The following FRMD4A variants were observed in gnomAD, a reference collection of about 807,000 sequenced individuals.
The protein encoded by FRMD4A is FERM domain containing 4A, also known as FERM domain-containing protein 4A.
FRMD4A carries 29 observed loss-of-function variants against 129.1 expected under a neutral mutation model. That is an observed-to-expected ratio of 0.22 (90% CI 0.17 to 0.31). The LOEUF (loss-of-function observed/expected upper bound fraction) is 0.31. FRMD4A is among the 10% of genes least tolerant of loss of function. FRMD4A has a pLI of 1.00. For missense variants in FRMD4A, 1,272 were observed against 1,375.8 expected (o/e 0.92, Z 1.19); for synonymous variants, 634 against 571.6 (o/e 1.11, Z -1.56).
At chr10:14,205,773 C>T (rs1045031938) in intron 2 of FRMD4A, among the ~76,000 whole-genome samples, 21 of 137,678 alleles carry the variant, frequency 1.5e-4, no homozygotes, top group African/African-American at 4.7e-4. Flanking sequence ...CACCACTGCA[C>T]TCCAGCCTGG....
At chr10:13,753,590 G>T (rs1018393316) in intron 8 of FRMD4A, among the ~76,000 whole-genome samples, 2 of 142,224 alleles carry the variant, frequency 1.4e-5, no homozygotes, top group Non-Finnish European at 3.0e-5. Context: ...TGTTGCCCAG[G>T]CTAGAGCGCA....
intron 2 of FRMD4A, among the ~76,000 whole-genome samples, chr10:13,907,554 G>C (rs992050309): frequency 6.6e-6 from 1 of 152,180 alleles, no homozygotes; most frequent in Non-Finnish European, 1.5e-5. Context: ...CCATGTGGCT[G>C]TTGTCTTATT....
chr10:13,650,438 A>T (rs184362004), intron 24 of FRMD4A, among the ~76,000 whole-genome samples: 1 of 152,248 alleles, frequency 6.6e-6, no homozygotes, highest in Admixed American at 6.5e-5. Context: ...GTATTCGTGT[A>T]TGTATGTAGG....
At chr10:13,652,025 GAGACAC>G (rs767213520) in intron 23 of FRMD4A, 51 bp from the exon 24 acceptor site, 33 of 959,034 alleles carry the variant, frequency 3.4e-5, no homozygotes, top group Non-Finnish European at 5.7e-5. Flanking sequence ...ATGTTACAGA[GAGACAC>G]TGACACAGAC....
chr10:14,269,452 C>T (rs940469751), intron 2 of FRMD4A, among the ~76,000 whole-genome samples: 5 of 152,138 alleles, frequency 3.3e-5, no homozygotes, highest in African/African-American at 9.7e-5. Context: ...TAAAAAGAAC[C>T]CATTTCCTTG....
At chr10:13,840,133 A>G (rs983525026) in intron 3 of FRMD4A, among the ~76,000 whole-genome samples, 8 of 152,184 alleles carry the variant, frequency 5.3e-5, no homozygotes, top group Admixed American at 1.3e-4. Context: ...TTCATTCCCA[A>G]AGTCCTTACT....
At chr10:13,980,177 G>A (rs184512922) in intron 2 of FRMD4A, among the ~76,000 whole-genome samples, 4 of 152,192 alleles carry the variant, frequency 2.6e-5, no homozygotes, top group Admixed American at 6.5e-5. Context: ...TTTTCTCAAG[G>A]GGAAAAAGAA....
intron 2 of FRMD4A, among the ~76,000 whole-genome samples, chr10:14,009,312 G>T (rs935211991): frequency 2.0e-5 from 3 of 149,726 alleles, no homozygotes; most frequent in Admixed American, 6.6e-5. Flanking sequence ...GTATGTTTGG[G>T]TTTTTTTTTT....
At chr10:13,670,654 C>T (rs192147647) in intron 16 of FRMD4A, 126 bp from the exon 17 acceptor site, 20 of 810,748 alleles carry the variant, frequency 2.5e-5, no homozygotes, top group Admixed American at 1.5e-4. Context: ...TACAGGTCAA[C>T]GCTTATGCTA....
chr10:13,697,519 G>A (rs2086342824), intron 14 of FRMD4A, among the ~76,000 whole-genome samples: 1 of 152,174 alleles, frequency 6.6e-6, no homozygotes, highest in Non-Finnish European at 1.5e-5. Flanking sequence ...GGGAGGACAT[G>A]GGCATTGTCG....
intron 12 of FRMD4A, among the ~76,000 whole-genome samples, chr10:13,730,901 G>A (rs902534015): frequency 6.8e-6 from 1 of 147,264 alleles, no homozygotes; most frequent in Non-Finnish European, 1.5e-5. Flanking sequence ...GGTGACACAC[G>A]CCTATAGTCC....
At chr10:13,851,725 C>A (rs2094142505) in intron 3 of FRMD4A, among the ~76,000 whole-genome samples, 1 of 151,896 alleles carries the variant, frequency 6.6e-6, no homozygotes, top group Non-Finnish European at 1.5e-5. Flanking sequence ...CATGGTGAAA[C>A]CCTGTCTCTA....
intron 2 of FRMD4A, among the ~76,000 whole-genome samples, chr10:14,216,094 T>A (rs1843067231): frequency 1.3e-5 from 2 of 152,136 alleles, no homozygotes; most frequent in Admixed American, 6.6e-5. Flanking sequence ...GGACGGGAAC[T>A]CTATGTCTGG....
chr10:13,928,002 T>G (rs377394189), intron 2 of FRMD4A, among the ~76,000 whole-genome samples: 2 of 145,312 alleles, frequency 1.4e-5, no homozygotes, highest in African/African-American at 5.1e-5. Context: ...AAAGGATAGT[T>G]ATACTTAACA....
At chr10:14,151,170 A>C (rs1318387602) in intron 2 of FRMD4A, among the ~76,000 whole-genome samples, 1 of 152,204 alleles carries the variant, frequency 6.6e-6, no homozygotes, top group Non-Finnish European at 1.5e-5. Flanking sequence ...CTATCTACCC[A>C]AAGGAAAATA....
At chr10:14,303,352 C>T (rs1313695776) in intron 2 of FRMD4A, among the ~76,000 whole-genome samples, 2 of 152,214 alleles carry the variant, frequency 1.3e-5, no homozygotes, top group African/African-American at 2.4e-5. Context: ...CAAGATTCTG[C>T]ATTTCCCACA....
At chr10:14,011,302 C>T (rs1241332681) in intron 2 of FRMD4A, among the ~76,000 whole-genome samples, 1 of 152,090 alleles carries the variant, frequency 6.6e-6, no homozygotes, top group Non-Finnish European at 1.5e-5. Flanking sequence ...TTTGATGTCA[C>T]CAGGAGTTGG....
chr10:14,144,011 G>A lies in FRMD4A; in HGVS notation c.45+186047C>T, dbSNP rs181326412. On this transcript the variant is annotated intron_variant, in intron 2 of 24. Transcript: ENST00000357447. Reference sequence around the variant, plus strand: ...TATATGCAACTTTTCCACTGAGCTAGTACAAAGGGGATGGGAGGTTTTAAG... The same window carrying A: ...TATATGCAACTTTTCCACTGAGCTAATACAAAGGGGATGGGAGGTTTTAAG... 1.9e-3 allele frequency among the ~76,000 whole-genome samples: 292 copies of A among 152,266 alleles called. 2 individuals carry two copies. Among genetic ancestry groups the A allele is most frequent in the African/African-American group, 6.3e-3 (263 of 41,544 alleles).
chr10:13,670,636 C>A, intron 16 of FRMD4A, 108 bp from the exon 17 acceptor site: 1 of 1,020,860 alleles, frequency 9.8e-7, no homozygotes, highest in South Asian at 1.4e-5. Flanking sequence ...TGCACGCATG[C>A]ACTTCGATAC....
Sources: gnomAD v4.1 joint callset for allele counts (sites outside exome capture counted in the v4.1 genomes callset) on GRCh38, gnomAD v4.1.1 for gene constraint, MANE v1.5 for transcripts, NCBI Gene and HGNC (gene_info 2026-07-23, HGNC 2026-07-21) for gene names.